Variants in ROBO2 observed in about 807,000 individuals in gnomAD.
The protein encoded by ROBO2 is roundabout guidance receptor 2, also known as roundabout homolog 2.
A neutral mutation model predicts 160.8 loss-of-function variants in ROBO2; 53 were observed. That is an observed-to-expected ratio of 0.33 (90% CI 0.26 to 0.41). ROBO2 has a LOEUF of 0.41. ROBO2 is among the 10% of genes least tolerant of loss of function. ROBO2 has a pLI of 1.00. For synonymous variants in ROBO2, 664 were observed against 611.7 expected (o/e 1.09, Z -1.26); for missense variants, 1,577 against 1,722.4 (o/e 0.92, Z 1.49).
At chr3:77,087,301 C>T (rs996292645) in intron 1 of ROBO2, among the ~76,000 whole-genome samples, 6 of 152,034 alleles carry the variant, frequency 3.9e-5, no homozygotes, top group African/African-American at 1.4e-4. Context: ...ATTGCATCAC[C>T]TTTTGTAAAG....
chr3:76,533,121 A>G (rs1480117634), intron 2 of ROBO2, among the ~76,000 whole-genome samples: 3 of 152,230 alleles, frequency 2.0e-5, no homozygotes, highest in Non-Finnish European at 4.4e-5. Flanking sequence ...TTTAAAATGT[A>G]TGCATGCCTT....
intron 2 of ROBO2, among the ~76,000 whole-genome samples, chr3:76,008,422 T>G (rs534068352): frequency 6.6e-6 from 1 of 152,102 alleles, no homozygotes; most frequent in Non-Finnish European, 1.5e-5. Flanking sequence ...CTCCAAAGGG[T>G]AAGTATTAGC....
intron 10 of ROBO2, 100 bp from the exon 12 acceptor site, chr3:77,563,067 C>A: frequency 1.9e-6 from 2 of 1,065,602 alleles, no homozygotes; most frequent in Non-Finnish European, 2.8e-6. Context: ...GAATTTCTCA[C>A]TGTCTAGGTC....
At chr3:76,327,875 T>TG (rs2073151190) in intron 2 of ROBO2, among the ~76,000 whole-genome samples, 1 of 151,502 alleles carries the variant, frequency 6.6e-6, no homozygotes, top group African/African-American at 2.4e-5. Context: ...CAGAAGAATG[T>TG]GAAAAAAAAA....
chr3:76,022,934 C>G (rs948886848), intron 2 of ROBO2, among the ~76,000 whole-genome samples: 1 of 151,748 alleles, frequency 6.6e-6, no homozygotes, highest in Non-Finnish European at 1.5e-5. Context: ...CACTGAAAAT[C>G]TCTTGTTTAG....
chr3:76,967,070 C>A (rs2059332919), intron 2 of ROBO2, among the ~76,000 whole-genome samples: 1 of 152,150 alleles, frequency 6.6e-6, no homozygotes, highest in African/African-American at 2.4e-5. Context: ...TCAAATCTCA[C>A]ATCAAACTTG....
chr3:76,378,822 C>G (rs2076478543), intron 2 of ROBO2, among the ~76,000 whole-genome samples: 1 of 152,138 alleles, frequency 6.6e-6, no homozygotes, highest in African/African-American at 2.4e-5. Context: ...ATGCAAGAGT[C>G]ATGAAATTGC....
At chr3:76,775,608 A>G (rs537514892) in intron 2 of ROBO2, among the ~76,000 whole-genome samples, 1 of 150,906 alleles carries the variant, frequency 6.6e-6, no homozygotes, top group Admixed American at 6.6e-5. Flanking sequence ...AAAACTTATT[A>G]ATGTCATAGG....
At chr3:76,034,275 G>A (rs543669125) in intron 2 of ROBO2, among the ~76,000 whole-genome samples, 8 of 152,226 alleles carry the variant, frequency 5.3e-5, no homozygotes, top group East Asian at 1.9e-4. Context: ...GTATCTGCTC[G>A]TTTGTGGTTA....
chr3:76,058,305 C>T (rs1043605690), intron 2 of ROBO2, among the ~76,000 whole-genome samples: 2 of 152,062 alleles, frequency 1.3e-5, no homozygotes, highest in African/African-American at 2.4e-5. Context: ...TCCCTGTGTC[C>T]ATGTGTTCTC....
intron 2 of ROBO2, among the ~76,000 whole-genome samples, chr3:76,404,772 A>G (rs72898564): frequency 0.029 from 4,439 of 151,666 alleles, 212 homozygotes; most frequent in African/African-American, 0.1. Context: ...GAAAGAATCC[A>G]AGACAGTGCT....
Position 76,624,796 on chromosome 3 carries a change from C to CAAAAAAAAAAA in ROBO2, c.110-473190_110-473180dup. ...TGAGTGACAGAGTGAGACTCCGTCT[C>CAAAAAAAAAAA]AAAAAAAAAAAAAAAAAAAAAAAAA... On this transcript the variant is annotated intron_variant, in intron 2 of 26. Coordinates refer to the ROBO2 transcript ENST00000487694. Among the ~76,000 whole-genome samples the CAAAAAAAAAAA allele has an allele frequency of 1.3e-3, 61 of 46,324 alleles. 4 individuals carry two copies. Among genetic ancestry groups the CAAAAAAAAAAA allele is most frequent in the Non-Finnish European group, 1.5e-3 (44 of 29,120 alleles). The allele number at this position is 46,324 out of a possible 152,430, so 30.4% of individuals were successfully genotyped here. A position where few individuals can be genotyped will look rare whatever the true frequency, so the allele number is the denominator to read the frequency against.
chr3:77,538,510 G>T (rs2153640666), intron 6 of ROBO2, among the ~76,000 whole-genome samples: 1 of 152,158 alleles, frequency 6.6e-6, no homozygotes, highest in African/African-American at 2.4e-5. Context: ...AGTGACAAAT[G>T]AGTAAAATGT....
chr3:76,390,197 A>C (rs1375077336), intron 2 of ROBO2, among the ~76,000 whole-genome samples: 1 of 152,162 alleles, frequency 6.6e-6, no homozygotes, highest in African/African-American at 2.4e-5. Context: ...CCCCACAAAA[A>C]GAAATAGTTG....
chr3:77,381,881 T>C (rs1029633187), intron 2 of ROBO2, among the ~76,000 whole-genome samples: 1 of 152,198 alleles, frequency 6.6e-6, no homozygotes, highest in Non-Finnish European at 1.5e-5. Context: ...GGACATTTTC[T>C]GATGTTTATG....
intron 2 of ROBO2, among the ~76,000 whole-genome samples, chr3:76,246,662 C>A (rs1416616391): frequency 6.6e-6 from 1 of 152,048 alleles, no homozygotes; most frequent in East Asian, 1.9e-4. Flanking sequence ...CATAATTTTT[C>A]CCACCCAACT....
intron 2 of ROBO2, among the ~76,000 whole-genome samples, chr3:76,314,440 TA>T (rs2071831992): frequency 6.6e-6 from 1 of 151,906 alleles, no homozygotes; most frequent in East Asian, 1.9e-4. Context: ...TATAAATAGA[TA>T]ATATCATATT....
At chr3:76,435,480 G>C (rs1056092772) in intron 2 of ROBO2, 5 of 703,762 alleles carry the variant, frequency 7.1e-6, no homozygotes, top group African/African-American at 1.8e-5. Flanking sequence ...GGATAAATCT[G>C]TATCAAGATG....
chr3:76,583,033 GAAA>G (rs1423237468), intron 2 of ROBO2, among the ~76,000 whole-genome samples: 3 of 150,654 alleles, frequency 2.0e-5, no homozygotes, highest in African/African-American at 7.3e-5. Flanking sequence ...AAGCAAGAGA[GAAA>G]AAACAAACAA....
Sources: gnomAD v4.1 joint callset for allele counts (sites outside exome capture counted in the v4.1 genomes callset) on GRCh38, gnomAD v4.1.1 for gene constraint, MANE v1.5 for transcripts, NCBI Gene and HGNC (gene_info 2026-07-23, HGNC 2026-07-21) for gene names.